ENTREP2: variants seen among roughly 807,000 people sequenced by gnomAD.
ENTREP2 encodes the protein endosomal transmembrane epsin interactor 2, also known as protein ENTREP2.
chr15:29,544,624 G>A, the ENTREP2 span, among the ~76,000 whole-genome samples: 2 of 152,124 alleles, frequency 1.3e-5, no homozygotes, highest in Non-Finnish European at 2.9e-5. Flanking sequence ...GGTGGCTGAG[G>A]GTAAGGAAAG....
chr15:29,382,108 G>A, the ENTREP2 span, among the ~76,000 whole-genome samples: 3 of 151,978 alleles, frequency 2.0e-5, no homozygotes, highest in Non-Finnish European at 4.4e-5. Flanking sequence ...CCTGGTCCTC[G>A]ATGTGATTTG....
At chr15:29,196,769 A>G in the ENTREP2 span, 4 of 501,474 alleles carry the variant, frequency 8.0e-6, 1 homozygote, top group South Asian at 1.7e-4. Flanking sequence ...AGCAATGTAT[A>G]GAAAAAGCAA....
chr15:29,123,807 T>C, the ENTREP2 span, among the ~76,000 whole-genome samples: 2 of 151,996 alleles, frequency 1.3e-5, no homozygotes, highest in Non-Finnish European at 2.9e-5. Context: ...TCCCCATCCC[T>C]CCTCCCCTTC....
chr15:29,454,194 C>T, the ENTREP2 span, among the ~76,000 whole-genome samples: 1 of 152,170 alleles, frequency 6.6e-6, no homozygotes, highest in Non-Finnish European at 1.5e-5. Flanking sequence ...TCTCTGATTA[C>T]TTGTGAGGTT....
chr15:29,272,665 T>C, the ENTREP2 span, among the ~76,000 whole-genome samples: 3 of 152,100 alleles, frequency 2.0e-5, no homozygotes, highest in African/African-American at 4.8e-5. Flanking sequence ...CTATGCAGAA[T>C]GGGGTGGCCA....
At chr15:29,130,664 G>A in the ENTREP2 span, among the ~76,000 whole-genome samples, 1 of 152,198 alleles carries the variant, frequency 6.6e-6, no homozygotes, top group Non-Finnish European at 1.5e-5. Flanking sequence ...CTGGCTCCCG[G>A]TCAGATTTGG....
At chr15:29,571,550 A>T in the ENTREP2 span, among the ~76,000 whole-genome samples, 4 of 152,254 alleles carry the variant, frequency 2.6e-5, no homozygotes, top group Non-Finnish European at 5.9e-5. Context: ...TCTGGAGGAC[A>T]TTCCGAGAAC....
At chr15:29,401,984 C>T in the ENTREP2 span, among the ~76,000 whole-genome samples, 11 of 152,048 alleles carry the variant, frequency 7.2e-5, no homozygotes, top group African/African-American at 2.7e-4. Flanking sequence ...CAATCGGAAA[C>T]TAGATTAAGG....
chr15:29,344,931 G>GACACAC, the ENTREP2 span, among the ~76,000 whole-genome samples: 1,608 of 142,578 alleles, frequency 0.011, 13 homozygotes, highest in Middle Eastern at 0.021. Context: ...CACGCGCGCA[G>GACACAC]ACACACACAC....
At chr15:29,244,173 A>G in the ENTREP2 span, among the ~76,000 whole-genome samples, 3 of 152,356 alleles carry the variant, frequency 2.0e-5, no homozygotes, top group Admixed American at 2.0e-4. Context: ...ACATTAATAA[A>G]CTAAAGGAGG....
At chr15:29,659,659 G>C in the ENTREP2 span, among the ~76,000 whole-genome samples, 1 of 152,042 alleles carries the variant, frequency 6.6e-6, no homozygotes, top group Admixed American at 6.6e-5. Context: ...CTATTTTGTA[G>C]CATTGTGTAA....
chr15:29,196,046 T>C, the ENTREP2 span, among the ~76,000 whole-genome samples: 4 of 152,214 alleles, frequency 2.6e-5, no homozygotes, highest in Admixed American at 6.5e-5. Context: ...ACTGTCTGAT[T>C]TTTTTCCTCC....
At chr15:29,485,109 C>T in the ENTREP2 span, among the ~76,000 whole-genome samples, 1 of 152,100 alleles carries the variant, frequency 6.6e-6, no homozygotes, top group African/African-American at 2.4e-5. Context: ...GGTCCATCCT[C>T]CACAAAACCA....
the ENTREP2 span, among the ~76,000 whole-genome samples, chr15:29,538,681 C>T: frequency 2.0e-5 from 3 of 147,900 alleles, no homozygotes; most frequent in African/African-American, 5.0e-5. Context: ...TGGTGGCGGG[C>T]GCCTGTAGTC....
the ENTREP2 span, among the ~76,000 whole-genome samples, chr15:29,332,341 T>C: frequency 2.0e-5 from 3 of 152,222 alleles, no homozygotes; most frequent in African/African-American, 7.2e-5. Flanking sequence ...ATGCAAAATC[T>C]GTGGTTACTT....
chr15:29,579,774 G>A, the ENTREP2 span, among the ~76,000 whole-genome samples: 5 of 138,206 alleles, frequency 3.6e-5, no homozygotes, highest in East Asian at 2.4e-4. Flanking sequence ...GCAGTGGCGC[G>A]ATCTCGGCTC....
the ENTREP2 span, chr15:29,613,297 G>C: frequency 5.0e-6 from 1 of 198,170 alleles, no homozygotes; most frequent in Non-Finnish European, 1.0e-5. Flanking sequence ...TAGATCTGCA[G>C]ACCAGACCAC....
At chr15:29,580,968 T>C in the ENTREP2 span, among the ~76,000 whole-genome samples, 3 of 152,162 alleles carry the variant, frequency 2.0e-5, no homozygotes, top group Admixed American at 6.5e-5. Context: ...TACAAGACAT[T>C]ACCCTAAGCC....
At chr15:29,356,488 G>A in the ENTREP2 span, among the ~76,000 whole-genome samples, 1 of 150,716 alleles carries the variant, frequency 6.6e-6, no homozygotes, top group Non-Finnish European at 1.5e-5. Flanking sequence ...TATATTTTTA[G>A]TAGAGACGGG....
Sources: allele counts gnomAD v4.1 joint callset (sites outside exome capture counted in the v4.1 genomes callset), GRCh38; gene constraint gnomAD v4.1.1; transcripts MANE v1.5; gene names NCBI Gene and HGNC (gene_info 2026-07-23, HGNC 2026-07-21).